The following CCDC57 variants were observed in gnomAD, a reference collection of about 807,000 sequenced individuals.
CCDC57 encodes the protein coiled-coil domain-containing protein 57.
CCDC57 carries 118 observed loss-of-function variants against 118.9 expected under a neutral mutation model. The observed-to-expected ratio is 0.99, with a 90% CI of 0.86 to 1.16. The LOEUF (loss-of-function observed/expected upper bound fraction) is 1.16. Among genes scored for constraint, CCDC57 ranks in the 50% most tolerant of loss-of-function variants. The pLI is 0.00. For synonymous variants in CCDC57, 527 were observed against 532.9 expected (o/e 0.99, Z 0.15); for missense variants, 1,300 against 1,320.7 (o/e 0.98, Z 0.24).
chr17:82,187,644 G>A (rs2047113226), intron 8 of CCDC57, among the ~76,000 whole-genome samples: 1 of 50,348 alleles, frequency 2.0e-5, no homozygotes, highest in Non-Finnish European at 3.9e-5. Context: ...GGGGTCGGGG[G>A]TCACTGGCAG....
At chr17:82,185,885 T>C (rs748050036) in intron 8 of CCDC57, among the ~76,000 whole-genome samples, 3 of 152,140 alleles carry the variant, frequency 2.0e-5, no homozygotes, top group Non-Finnish European at 4.4e-5. Context: ...GGAACTGAAA[T>C]AAATATGGCT....
At chr17:82,157,040 G>C (rs1480841759) in intron 15 of CCDC57, 1 of 153,030 alleles carries the variant, frequency 6.5e-6, no homozygotes, top group Non-Finnish European at 1.5e-5. Context: ...AGTTATCCCA[G>C]TTACCAACAG....
chr17:82,160,604 G>C (rs529307433), intron 14 of CCDC57, among the ~76,000 whole-genome samples: 1 of 152,142 alleles, frequency 6.6e-6, no homozygotes, highest in Non-Finnish European at 1.5e-5. Context: ...GCCAGGTGCA[G>C]TGGCTCATAC....
At chr17:82,151,109 C>A (rs2041957645) in intron 16 of CCDC57, among the ~76,000 whole-genome samples, 5 of 113,960 alleles carry the variant, frequency 4.4e-5, no homozygotes, top group Non-Finnish European at 7.2e-5. Context: ...AGAACCTGAC[C>A]CACACCCAGA....
intron 7 of CCDC57, among the ~76,000 whole-genome samples, chr17:82,189,771 C>A (rs932706620): frequency 6.6e-6 from 1 of 151,762 alleles, no homozygotes; most frequent in Non-Finnish European, 1.5e-5. Context: ...GAGAATTGCT[C>A]GAACCCGGGA....
chr17:82,203,308 T>C (rs1329086329), intron 2 of CCDC57, among the ~76,000 whole-genome samples: 1 of 152,190 alleles, frequency 6.6e-6, no homozygotes, highest in Admixed American at 6.5e-5. Context: ...AACACTGTGC[T>C]TCCTGTACAG....
At chr17:82,209,981 G>A (rs1363107348) in intron 1 of CCDC57, among the ~76,000 whole-genome samples, 1 of 152,084 alleles carries the variant, frequency 6.6e-6, no homozygotes, top group South Asian at 2.1e-4. Flanking sequence ...AGGGCTCCTT[G>A]GAGAAATGAC....
intron 9 of CCDC57, among the ~76,000 whole-genome samples, chr17:82,181,586 T>C (rs897283413): frequency 6.6e-6 from 1 of 152,200 alleles, no homozygotes; most frequent in Admixed American, 6.5e-5. Context: ...GAAAAAAATG[T>C]AGCTCTCTCC....
At position 82,209,060 on chromosome 17, in the gene CCDC57, A is replaced by G. The variant is rs150468462; in HGVS notation, c.-210-1012T>C. Among the ~76,000 whole-genome samples, 1,184 of 152,290 alleles carry G rather than the reference A, an allele frequency of 7.8e-3. 16 individuals are homozygous for G. Among genetic ancestry groups the G allele is most frequent in the African/African-American group, 0.026 (1,087 of 41,548 alleles). ...ACTCTTTAAATAGGTCCAGGGGACA[A>G]AAATTATGTACCTGTGACCCCGTGT... On this transcript the variant is annotated intron_variant, in intron 1 of 19. Coordinates refer to ENST00000665763, the Ensembl canonical transcript of CCDC57.
intron 19 of CCDC57, among the ~76,000 whole-genome samples, chr17:82,122,598 C>G (rs1373784866): frequency 2.0e-5 from 3 of 150,344 alleles, no homozygotes; most frequent in Non-Finnish European, 3.0e-5. Context: ...GGACAGAGCC[C>G]TTGGTCTCTG....
intron 19 of CCDC57, among the ~76,000 whole-genome samples, chr17:82,110,012 A>G (rs2035137281): frequency 6.8e-6 from 1 of 147,890 alleles, no homozygotes; most frequent in African/African-American, 2.5e-5. Context: ...ACAGAGTCTC[A>G]CTCTGTCACC....
chr17:82,107,375 G>GGGGAGTA, intron 19 of CCDC57: 1 of 461,566 alleles, frequency 2.2e-6, no homozygotes, highest in East Asian at 7.0e-5. Context: ...CCGCGGGAGT[G>GGGGAGTA]GGGAGTGGGG....
chr17:82,183,393 C>T lies in CCDC57; in HGVS notation c.1211+381G>A, dbSNP rs947977686. Among the ~76,000 whole-genome samples, 5 of 152,056 alleles carry T rather than the reference C, an allele frequency of 3.3e-5. No homozygotes were observed. In the East Asian group the frequency reaches 5.8e-4, roughly 18 times the overall value. On this transcript the variant is annotated intron_variant, in intron 9 of 19. Coordinates refer to ENST00000665763, the Ensembl canonical transcript of CCDC57. Reference sequence around the variant, plus strand: ...AGAGATGGGGTCTCACTATGTTAACCAGGCTGGTCTCCAACTCCTGGGTTC... The same window carrying T: ...AGAGATGGGGTCTCACTATGTTAACTAGGCTGGTCTCCAACTCCTGGGTTC...
exon 3 of CCDC57, chr17:82,201,884 A>C (rs769129138): frequency 6.2e-7 from 1 of 1,609,012 alleles, no homozygotes; most frequent in Non-Finnish European, 8.5e-7. Context: ...AGCGCCCTCC[A>C]CTCCTCCTCC....
chr17:82,161,556 T>A (rs2043339140), intron 14 of CCDC57, among the ~76,000 whole-genome samples: 1 of 152,224 alleles, frequency 6.6e-6, no homozygotes, highest in Non-Finnish European at 1.5e-5. Flanking sequence ...TACAATGGAA[T>A]ATGTCAGCCA....
intron 17 of CCDC57, among the ~76,000 whole-genome samples, chr17:82,130,931 C>T (rs2038266699): frequency 6.6e-6 from 1 of 151,364 alleles, no homozygotes; most frequent in South Asian, 2.1e-4. Flanking sequence ...CCTGGCTCAG[C>T]CTCCCGAGTA....
At chr17:82,130,485 A>C (rs2038165811) in intron 17 of CCDC57, among the ~76,000 whole-genome samples, 2 of 137,362 alleles carry the variant, frequency 1.5e-5, no homozygotes, top group East Asian at 2.3e-4. Context: ...GTGAGCCACC[A>C]CACCCAGACA....
At chr17:82,111,688 C>A (rs926051589) in intron 19 of CCDC57, among the ~76,000 whole-genome samples, 1 of 151,902 alleles carries the variant, frequency 6.6e-6, no homozygotes, top group Admixed American at 6.6e-5. Flanking sequence ...CTCACTGCAA[C>A]CTCTAGCTCC....
intron 1 of CCDC57, among the ~76,000 whole-genome samples, chr17:82,210,907 T>A (rs1422172661): frequency 1.4e-5 from 2 of 139,820 alleles, no homozygotes; most frequent in East Asian, 2.1e-4. Context: ...GGCAGGAGAA[T>A]CACTTCAACC....
Sources: gnomAD v4.1 joint callset for allele counts (sites outside exome capture counted in the v4.1 genomes callset) on GRCh38, gnomAD v4.1.1 for gene constraint, MANE v1.5 for transcripts, NCBI Gene and HGNC (gene_info 2026-07-23, HGNC 2026-07-21) for gene names.